The following DPF3 variants were observed in gnomAD, a reference collection of about 807,000 sequenced individuals.
DPF3 encodes the protein zinc finger protein DPF3.
A neutral mutation model predicts 56.8 loss-of-function variants in DPF3; 18 were observed. The ratio of observed to expected loss-of-function variants is 0.32; its 90% CI spans 0.22 to 0.47. The LOEUF is 0.47. Ranked by LOEUF, DPF3 falls within the 20% of genes least tolerant of loss-of-function variation. DPF3 has a pLI of 1.00. For missense variants in DPF3, 403 were observed against 488.8 expected (o/e 0.82, Z 1.65); for synonymous variants, 188 against 180.2 (o/e 1.04, Z -0.35).
At chr14:72,699,517 CA>C (rs35540991) in intron 6 of DPF3, among the ~76,000 whole-genome samples, 6,465 of 61,670 alleles carry the variant, frequency 0.1, 170 homozygotes, top group East Asian at 0.32. Context: ...GATTCTGTCT[CA>C]AAAAAAAAAA....
intron 3 of DPF3, among the ~76,000 whole-genome samples, chr14:72,743,120 G>T (rs1890195798): frequency 6.6e-6 from 1 of 152,092 alleles, no homozygotes; most frequent in Non-Finnish European, 1.5e-5. Flanking sequence ...GCCAAAAACA[G>T]AAAAAATACA....
At chr14:72,816,785 T>A (rs1883307943) in intron 1 of DPF3, among the ~76,000 whole-genome samples, 1 of 152,242 alleles carries the variant, frequency 6.6e-6, no homozygotes, top group African/African-American at 2.4e-5. Flanking sequence ...CTTTTCAACT[T>A]CATCCCCTTG....
intron 9 of DPF3, among the ~76,000 whole-genome samples, chr14:72,624,971 G>A (rs867800588): frequency 9.9e-5 from 15 of 152,160 alleles, no homozygotes; most frequent in Non-Finnish European, 7.3e-5. Flanking sequence ...TATAGTTAAG[G>A]TAGTGTCTGC....
At chr14:72,671,385 A>G (rs937331135) in intron 8 of DPF3, 2 of 1,603,542 alleles carry the variant, frequency 1.2e-6, no homozygotes, top group Non-Finnish European at 1.7e-6. Context: ...AGCAACAGAC[A>G]GCATTATTAA....
intron 1 of DPF3, among the ~76,000 whole-genome samples, chr14:72,873,493 A>C (rs1885984065): frequency 6.6e-6 from 1 of 152,248 alleles, no homozygotes; most frequent in Non-Finnish European, 1.5e-5. Context: ...AACTAGTTCA[A>C]CCATTGTGGA....
chr14:72,730,070 G>C (rs1029745110), intron 4 of DPF3, among the ~76,000 whole-genome samples: 1 of 152,040 alleles, frequency 6.6e-6, no homozygotes, highest in Non-Finnish European at 1.5e-5. Flanking sequence ...ACCTAAAACT[G>C]CTGTTAAAAA....
intron 2 of DPF3, among the ~76,000 whole-genome samples, chr14:72,764,189 C>A (rs189660828): frequency 7.2e-5 from 11 of 152,290 alleles, no homozygotes; most frequent in African/African-American, 2.6e-4. Context: ...CCACCTCTGA[C>A]CTCCAGGAAG....
rs897612812 is a variant in DPF3 at position 72,615,824 on chromosome 14, T to C, written c.*3473A>G. Among the ~76,000 whole-genome samples the C allele has an allele frequency of 2.6e-5, 4 of 152,238 alleles. No homozygotes were observed. Among genetic ancestry groups the C allele is most frequent in the African/African-American group, 9.6e-5 (4 of 41,464 alleles). On this transcript the variant is annotated 3_prime_UTR_variant, in exon 11 of 11. Coordinates refer to ENST00000556509, the MANE Select transcript of DPF3 (RefSeq NM_001280542.3). ...CCCTGTTTCTATTTCCACATAATGTTGCCTGCACTGGATTTGCTACAGATC... is the reference window on the plus strand; with the variant it reads ...CCCTGTTTCTATTTCCACATAATGTCGCCTGCACTGGATTTGCTACAGATC...
At chr14:72,636,981 C>A (rs1335580270) in intron 8 of DPF3, among the ~76,000 whole-genome samples, 4 of 152,244 alleles carry the variant, frequency 2.6e-5, no homozygotes, top group African/African-American at 9.6e-5. Context: ...CAGCTCCACT[C>A]CTCTTAGAGG....
intron 8 of DPF3, among the ~76,000 whole-genome samples, chr14:72,633,208 G>T (rs549738013): frequency 7.9e-5 from 12 of 152,318 alleles, no homozygotes; most frequent in Non-Finnish European, 1.5e-4. Context: ...CATAGAGGAA[G>T]AGGATTCCTT....
At chr14:72,648,746 G>C (rs1885804485) in intron 8 of DPF3, among the ~76,000 whole-genome samples, 1 of 151,774 alleles carries the variant, frequency 6.6e-6, no homozygotes, top group Admixed American at 6.6e-5. Context: ...TGAGAATTTT[G>C]CTCCTGCTGT....
At chr14:72,693,037 C>T in intron 7 of DPF3, 39 bp downstream of exon 7, 1 of 1,612,402 alleles carries the variant, frequency 6.2e-7, no homozygotes, top group Non-Finnish European at 8.5e-7. Flanking sequence ...CTGTCTAACC[C>T]ACTTCTTCAC....
Position 72,617,132 on chromosome 14 carries a change from C to T in DPF3, c.*2165G>A, listed in dbSNP as rs1478954572. ...GGCAGAGCAGACATGGGGCTGAGAT[C>T]GAACAGGGCTGCCCTATCACCTGCA... On this transcript the variant is annotated 3_prime_UTR_variant, in exon 11 of 11. Coordinates refer to ENST00000556509, the MANE Select transcript of DPF3 (RefSeq NM_001280542.3). Among the ~76,000 whole-genome samples, 2 of 152,136 alleles carry T rather than the reference C, an allele frequency of 1.3e-5. No homozygotes were observed.
rs144862892 is a variant in DPF3 at position 72,810,240 on chromosome 14, G to A, written c.33-38347C>T. ...AGTGCTGTGGTCCAGCAACATACCC[G>A]CCCCATCCCTCCAACTCAGAACATG... On this transcript the variant is annotated intron_variant, in intron 1 of 10. Coordinates refer to ENST00000556509, the MANE Select transcript of DPF3 (RefSeq NM_001280542.3). Among the ~76,000 whole-genome samples, 488 of 152,222 alleles carry A rather than the reference G, an allele frequency of 3.2e-3. 5 individuals carry two copies. The highest frequency in any genetic ancestry group is 0.011 in the African/African-American group (459 of 41,550).
At chr14:72,816,137 A>G (rs138524460) in intron 1 of DPF3, among the ~76,000 whole-genome samples, 307 of 152,180 alleles carry the variant, frequency 2.0e-3, no homozygotes, top group Middle Eastern at 0.01. Flanking sequence ...CCCTGCCTTG[A>G]CCGTGGATAG....
At position 72,733,245 on chromosome 14, in the gene DPF3, T is replaced by C. The variant is rs1204951946; in HGVS notation, c.302-1311A>G. ...GTCCTTACCATTGCACCAGGTAAGC[T>C]GGGGGCAGGAACTATGATGCAGTGG... On this transcript the variant is annotated intron_variant, in intron 3 of 10. Coordinates refer to ENST00000556509, the MANE Select transcript of DPF3 (RefSeq NM_001280542.3). Among the ~76,000 whole-genome samples, 3 of 152,304 alleles carry C rather than the reference T, an allele frequency of 2.0e-5. No homozygotes were observed. In the East Asian group the frequency reaches 5.8e-4, roughly 29 times the overall value.
At chr14:72,878,288 C>T (rs1000328536) in intron 1 of DPF3, among the ~76,000 whole-genome samples, 2 of 152,196 alleles carry the variant, frequency 1.3e-5, no homozygotes, top group Non-Finnish European at 2.9e-5. Flanking sequence ...CTATCTCTCT[C>T]AATACAAGAG....
In DPF3 at chr14:72,867,455, G is replaced by A. The variant is rs531583244; in HGVS notation, c.32+26602C>T. Among the ~76,000 whole-genome samples the A allele has an allele frequency of 7.2e-5, 11 of 152,254 alleles. No homozygotes were observed. The East Asian group carries it at 7.7e-4, about 11-fold the overall frequency. Reference sequence around the variant, plus strand: ...TTATTCCAAGCACTAGCTCTCCTATGAGCTGTACTGTTGAGGGGCAGAGGG... The same window carrying A: ...TTATTCCAAGCACTAGCTCTCCTATAAGCTGTACTGTTGAGGGGCAGAGGG... On this transcript the variant is annotated intron_variant, in intron 1 of 10. Coordinates refer to ENST00000556509, the MANE Select transcript of DPF3 (RefSeq NM_001280542.3).
chr14:72,765,893 A>C (rs1221046796), intron 2 of DPF3, among the ~76,000 whole-genome samples: 1 of 152,114 alleles, frequency 6.6e-6, no homozygotes, highest in Non-Finnish European at 1.5e-5. Context: ...CAGCCTGGGC[A>C]ACAAGGCGAG....
Sources: allele counts gnomAD v4.1 joint callset (sites outside exome capture counted in the v4.1 genomes callset), GRCh38; gene constraint gnomAD v4.1.1; transcripts MANE v1.5; gene names NCBI Gene and HGNC (gene_info 2026-07-23, HGNC 2026-07-21).